Variants in ROR1 observed in about 807,000 individuals in gnomAD.
ROR1 encodes ROR family WNT receptor 1.
Under a neutral mutation model 78.8 loss-of-function variants are expected in ROR1, and 19 were observed. The observed-to-expected ratio is 0.24, with a 90% CI of 0.17 to 0.35. ROR1 has a LOEUF of 0.35. Among genes scored for constraint, ROR1 ranks in the 10% least tolerant of loss-of-function variants. The probability of loss-of-function intolerance (pLI) is 1.00; values close to 1 mark genes in which losing one functional copy is unlikely to be tolerated. For synonymous variants in ROR1, 386 were observed against 433.6 expected (o/e 0.89, Z 1.36); for missense variants, 917 against 1,177.8 (o/e 0.78, Z 3.24).
chr1:64,138,826 A>C (rs927956479), intron 5 of ROR1, among the ~76,000 whole-genome samples: 1 of 152,140 alleles, frequency 6.6e-6, no homozygotes, highest in Non-Finnish European at 1.5e-5. Context: ...ACCTAATGTA[A>C]GAATGCCTTA....
chr1:63,928,655 C>A (rs902265083), intron 1 of ROR1, among the ~76,000 whole-genome samples: 13 of 152,302 alleles, frequency 8.5e-5, no homozygotes, highest in African/African-American at 2.9e-4. Context: ...GTGTTTGAAT[C>A]CTAATTCTGC....
At chr1:63,942,363 T>C (rs916108286) in intron 1 of ROR1, among the ~76,000 whole-genome samples, 3 of 152,230 alleles carry the variant, frequency 2.0e-5, no homozygotes, top group Non-Finnish European at 4.4e-5. Context: ...AACATTTCCT[T>C]GTGTATAATG....
chr1:64,170,262 A>T (rs1044504599), intron 8 of ROR1, among the ~76,000 whole-genome samples: 2 of 152,272 alleles, frequency 1.3e-5, no homozygotes, highest in Admixed American at 6.5e-5. Context: ...CATCCTCTGA[A>T]ATCTAGGTGG....
chr1:63,783,848 C>T (rs1315898353), intron 1 of ROR1, among the ~76,000 whole-genome samples: 2 of 152,342 alleles, frequency 1.3e-5, no homozygotes, highest in East Asian at 3.9e-4. Context: ...ACTCACAATG[C>T]ATGTGGCAGG....
chr1:64,072,808 G>A (rs949981446), intron 4 of ROR1, among the ~76,000 whole-genome samples: 7 of 152,076 alleles, frequency 4.6e-5, no homozygotes, highest in African/African-American at 1.2e-4. Context: ...GAGGGGCTTC[G>A]TGGATAGTAT....
At position 64,178,967 on chromosome 1, in the gene ROR1, C is replaced by A; in HGVS notation, c.*112C>A. On this transcript the variant is annotated 3_prime_UTR_variant, in exon 9 of 9. Transcript: ENST00000371079. The surrounding 1 kb of genome is among the most constrained non-coding windows in gnomAD (Gnocchi z 4.3). ...GGTTCTCATTTAGCAGACATCGCAACAAGTACCTTCTGTGAAGTTTCACTG... is the reference window on the plus strand; with the variant it reads ...GGTTCTCATTTAGCAGACATCGCAAAAAGTACCTTCTGTGAAGTTTCACTG... The A allele has an allele frequency of 1.8e-6, 1 of 541,736 alleles. No homozygotes were observed. Among genetic ancestry groups the A allele is most frequent in the Non-Finnish European group, 2.9e-6 (1 of 343,350 alleles). The allele number at this position is 541,736 out of a possible 1,614,324, so 33.6% of individuals were successfully genotyped here.
chr1:64,051,114 A>G (rs138550664), intron 4 of ROR1, among the ~76,000 whole-genome samples: 41 of 152,280 alleles, frequency 2.7e-4, no homozygotes, highest in African/African-American at 9.9e-4. Flanking sequence ...CAGGGCAACA[A>G]TTAGGTAATC....
intron 1 of ROR1, among the ~76,000 whole-genome samples, chr1:63,835,344 T>C (rs1256872649): frequency 6.6e-6 from 1 of 152,150 alleles, no homozygotes; most frequent in Non-Finnish European, 1.5e-5. Context: ...CACACACACC[T>C]TACCAATTAC....
At chr1:63,916,548 G>A (rs1645610982) in intron 1 of ROR1, among the ~76,000 whole-genome samples, 1 of 152,222 alleles carries the variant, frequency 6.6e-6, no homozygotes, top group South Asian at 2.1e-4. Context: ...CTGGTTACAG[G>A]TTTTGAGATA....
chr1:64,040,275 C>T (rs932246839), intron 2 of ROR1, among the ~76,000 whole-genome samples: 2 of 152,090 alleles, frequency 1.3e-5, no homozygotes, highest in Non-Finnish European at 2.9e-5. Context: ...ATTCTCAAGC[C>T]AGAAACTTTG....
At chr1:63,842,185 A>AT (rs1344831631) in intron 1 of ROR1, among the ~76,000 whole-genome samples, 3 of 152,048 alleles carry the variant, frequency 2.0e-5, no homozygotes, top group African/African-American at 7.2e-5. Flanking sequence ...AATCCTACTG[A>AT]TTTTTTTCCC....
chr1:63,812,901 G>C (rs1467455695), intron 1 of ROR1, among the ~76,000 whole-genome samples: 1 of 152,110 alleles, frequency 6.6e-6, no homozygotes, highest in African/African-American at 2.4e-5. Context: ...CACAGAGCTG[G>C]TAAGGCATTG....
At chr1:64,168,739 CT>C (rs1364603952) in intron 8 of ROR1, among the ~76,000 whole-genome samples, 1 of 152,192 alleles carries the variant, frequency 6.6e-6, no homozygotes, top group East Asian at 1.9e-4. Context: ...TCCAAAGCAT[CT>C]TTTCAAGCAA....
intron 1 of ROR1, among the ~76,000 whole-genome samples, chr1:63,926,489 C>T (rs1426638712): frequency 1.8e-4 from 28 of 151,914 alleles, no homozygotes; most frequent in Admixed American, 7.2e-4. Context: ...CTTGGCGATG[C>T]GGGCTCTTTT....
At chr1:64,086,368 G>A (rs1035808697) in intron 4 of ROR1, among the ~76,000 whole-genome samples, 2 of 152,144 alleles carry the variant, frequency 1.3e-5, no homozygotes, top group African/African-American at 2.4e-5. Context: ...TAATTCATTT[G>A]TTCATCCATT....
intron 4 of ROR1, among the ~76,000 whole-genome samples, chr1:64,121,059 C>CCTTTTT (rs1648513615): frequency 1.2e-5 from 1 of 82,010 alleles, no homozygotes; most frequent in Non-Finnish European, 2.2e-5. Flanking sequence ...GGAGATACCC[C>CCTTTTT]TTTTTTTTTT....
At position 64,156,910 on chromosome 1, in the gene ROR1, G is replaced by A. The variant is rs145416824; in HGVS notation, c.1175-2071G>A. Among the ~76,000 whole-genome samples, 589 of 152,168 alleles carry A rather than the reference G, an allele frequency of 3.9e-3. 3 individuals carry two copies. Among genetic ancestry groups the A allele is most frequent in the South Asian group, 5.6e-3 (27 of 4,818 alleles). On this transcript the variant is annotated intron_variant, in intron 7 of 8. Transcript: ENST00000371079. ...AGAATGGTGGGCAAAAAGCAAGACC[G>A]ACGATGGAATCCCAGCTTTTGACTT...
chr1:63,937,862 A>G (rs1645806000), intron 1 of ROR1, among the ~76,000 whole-genome samples: 1 of 152,204 alleles, frequency 6.6e-6, no homozygotes, highest in Non-Finnish European at 1.5e-5. Context: ...CAGTGTTAAT[A>G]TATTTCCTGT....
At chr1:63,960,477 A>G (rs1226757453) in intron 1 of ROR1, among the ~76,000 whole-genome samples, 4 of 152,186 alleles carry the variant, frequency 2.6e-5, no homozygotes, top group African/African-American at 9.6e-5. Flanking sequence ...TGGGCTTTCT[A>G]TAATGGTTTA....
Sources: allele counts gnomAD v4.1 joint callset (sites outside exome capture counted in the v4.1 genomes callset), GRCh38; gene constraint gnomAD v4.1.1; non-coding constraint Gnocchi (gnomAD v3.1); transcripts MANE v1.5; gene names NCBI Gene and HGNC (gene_info 2026-07-23, HGNC 2026-07-21).